Variants in CAP2 observed in about 807,000 individuals in gnomAD.
CAP2 encodes the protein cyclase associated actin cytoskeleton regulatory protein 2.
CAP2 carries 24 observed loss-of-function variants against 57.7 expected under a neutral mutation model. That is an observed-to-expected ratio of 0.42 (90% confidence interval 0.30 to 0.58). CAP2 has a LOEUF of 0.58. CAP2 is among the 20% of genes least tolerant of loss of function. The pLI, the probability that CAP2 is intolerant of heterozygous loss-of-function variation, is 0.22. For synonymous variants in CAP2, 194 were observed against 207.2 expected (o/e 0.94, Z 0.55); for missense variants, 501 against 590.3 (o/e 0.85, Z 1.57).
At chr6:17,496,254 G>C (rs1761667665) in intron 4 of CAP2, among the ~76,000 whole-genome samples, 1 of 152,134 alleles carries the variant, frequency 6.6e-6, no homozygotes, top group Non-Finnish European at 1.5e-5. Flanking sequence ...AAAACTGTGG[G>C]TGAAATTAAA....
chr6:17,425,323 G>A (rs542731200), intron 2 of CAP2, among the ~76,000 whole-genome samples: 6 of 152,326 alleles, frequency 3.9e-5, no homozygotes, highest in African/African-American at 1.4e-4. Context: ...TTGGGCAGTT[G>A]CCACTTGAGC....
chr6:17,545,789 G>A (rs1019011096), intron 11 of CAP2, among the ~76,000 whole-genome samples: 47 of 152,050 alleles, frequency 3.1e-4, no homozygotes, highest in African/African-American at 1.1e-3. Context: ...GAGAACATGC[G>A]GTGTTTGGTT....
intron 6 of CAP2, among the ~76,000 whole-genome samples, chr6:17,511,588 A>G (rs534058205): frequency 6.2e-4 from 94 of 152,184 alleles, no homozygotes; most frequent in African/African-American, 2.2e-3. Flanking sequence ...AGTAGCTGGG[A>G]CTACAGGCAT....
At chr6:17,494,998 C>T (rs1761630270) in intron 4 of CAP2, among the ~76,000 whole-genome samples, 2 of 152,188 alleles carry the variant, frequency 1.3e-5, no homozygotes, top group South Asian at 2.1e-4. Context: ...CCTGGATCTC[C>T]AGCCTGCCAG....
At chr6:17,397,134 A>T (rs1447589035) in intron 1 of CAP2, among the ~76,000 whole-genome samples, 1 of 152,090 alleles carries the variant, frequency 6.6e-6, no homozygotes, top group African/African-American at 2.4e-5. Flanking sequence ...GTCTCAGCTC[A>T]CTACAACCTC....
intron 3 of CAP2, among the ~76,000 whole-genome samples, chr6:17,449,289 G>T (rs1170545732): frequency 1.3e-5 from 2 of 152,126 alleles, no homozygotes; most frequent in Non-Finnish European, 2.9e-5. Context: ...TCCCTGCAAG[G>T]ATGGTTATCT....
At chr6:17,526,770 C>T (rs1163894673) in intron 7 of CAP2, among the ~76,000 whole-genome samples, 2 of 151,658 alleles carry the variant, frequency 1.3e-5, no homozygotes, top group African/African-American at 4.8e-5. Context: ...CCAGCCTGGC[C>T]AACATGGTGA....
intron 3 of CAP2, among the ~76,000 whole-genome samples, chr6:17,436,123 CTCCT>C (rs58986750): frequency 6.1e-5 from 4 of 65,852 alleles, no homozygotes; most frequent in Non-Finnish European, 1.3e-4. Flanking sequence ...CCTTCCTTCC[CTCCT>C]TCCTTCCTTC....
At chr6:17,439,111 A>T (rs1338425273) in intron 3 of CAP2, among the ~76,000 whole-genome samples, 1 of 151,240 alleles carries the variant, frequency 6.6e-6, no homozygotes, top group Non-Finnish European at 1.5e-5. Flanking sequence ...ACTCTGTCTT[A>T]AAAAAATAAA....
In CAP2 at chr6:17,499,398, C is replaced by CAAAAAAAAA. The variant is rs71002217; in HGVS notation, c.301-7757_301-7749dup. Among the ~76,000 whole-genome samples the CAAAAAAAAA allele has an allele frequency of 4.9e-3, 341 of 69,536 alleles. 4 individuals carry two copies. The highest frequency in any genetic ancestry group is 0.017 in the African/African-American group (323 of 19,182). 45.6% of individuals were successfully genotyped at this position (69,536 alleles called of 152,430 possible). A position where few individuals can be genotyped will look rare whatever the true frequency, so the allele number is the denominator to read the frequency against. On this transcript the variant is annotated intron_variant, in intron 4 of 12. Coordinates refer to ENST00000229922, the MANE Select transcript of CAP2 (RefSeq NM_006366.3). Reference sequence around the variant, plus strand: ...TGGGTGACAGAGCAAGACTCCATCTCAAAAAAAAAAAAAAAAAAAAAATTA... The same window carrying CAAAAAAAAA: ...TGGGTGACAGAGCAAGACTCCATCTCAAAAAAAAAAAAAAAAAAAAAAAAAAAAAAATTA...
chr6:17,483,579 C>G (rs1237590735), intron 4 of CAP2, among the ~76,000 whole-genome samples: 1 of 152,154 alleles, frequency 6.6e-6, no homozygotes, highest in African/African-American at 2.4e-5. Context: ...TAAGGCAGGG[C>G]TTAGGCCCCT....
chr6:17,507,363 T>C (rs779233345), intron 5 of CAP2, 51 bp downstream of exon 5: 2 of 1,590,472 alleles, frequency 1.3e-6, no homozygotes, highest in Non-Finnish European at 1.7e-6. Flanking sequence ...GTTTGGAGTA[T>C]TTAGGAGAAC....
At chr6:17,469,390 C>G (rs928487599) in intron 4 of CAP2, among the ~76,000 whole-genome samples, 8 of 151,558 alleles carry the variant, frequency 5.3e-5, no homozygotes, top group Non-Finnish European at 7.4e-5. Context: ...GAAATGATCT[C>G]TGTGTGTGTG....
chr6:17,498,783 C>G (rs1309564678), intron 4 of CAP2, among the ~76,000 whole-genome samples: 2 of 151,902 alleles, frequency 1.3e-5, no homozygotes, highest in African/African-American at 4.8e-5. Flanking sequence ...GGCTGGAGTG[C>G]AGTGGCACGA....
intron 3 of CAP2, among the ~76,000 whole-genome samples, chr6:17,430,557 G>C (rs550791517): frequency 7.5e-6 from 1 of 132,476 alleles, no homozygotes; most frequent in Non-Finnish European, 1.6e-5. Context: ...TTTTTTTTTC[G>C]AGACAGAGTC....
chr6:17,422,173 T>C (rs1350379901), intron 2 of CAP2, among the ~76,000 whole-genome samples: 2 of 152,240 alleles, frequency 1.3e-5, no homozygotes, highest in Non-Finnish European at 2.9e-5. Flanking sequence ...TTGATTAGAA[T>C]GTAAATTGGA....
chr6:17,495,302 T>C (rs908847500), intron 4 of CAP2, among the ~76,000 whole-genome samples: 3 of 152,166 alleles, frequency 2.0e-5, no homozygotes, highest in African/African-American at 7.2e-5. Context: ...TATATATTTA[T>C]TGAATAAATG....
intron 7 of CAP2, among the ~76,000 whole-genome samples, chr6:17,527,670 C>T (rs1050285257): frequency 7.4e-5 from 11 of 147,762 alleles, no homozygotes; most frequent in African/African-American, 2.0e-4. Flanking sequence ...GATCTCGGCT[C>T]GCTGCAGTCT....
intron 3 of CAP2, among the ~76,000 whole-genome samples, chr6:17,450,435 G>A (rs1463393272): frequency 6.6e-6 from 1 of 152,172 alleles, no homozygotes; most frequent in Non-Finnish European, 1.5e-5. Flanking sequence ...TTTTGGATGG[G>A]GTTGGTGGGG....
Sources: allele counts gnomAD v4.1 joint callset (sites outside exome capture counted in the v4.1 genomes callset), GRCh38; gene constraint gnomAD v4.1.1; transcripts MANE v1.5; gene names NCBI Gene and HGNC (gene_info 2026-07-23, HGNC 2026-07-21).